The following EML2 variants were observed in gnomAD, a reference collection of about 807,000 sequenced individuals.
EML2 encodes echinoderm microtubule-associated protein-like 2.
Under a neutral mutation model 84.7 loss-of-function variants are expected in EML2, and 59 were observed. The ratio of observed to expected loss-of-function variants is 0.70; its 90% confidence interval spans 0.56 to 0.86. The LOEUF (loss-of-function observed/expected upper bound fraction) is 0.86. EML2 is among the 40% of genes least tolerant of loss of function. The pLI is 0.00. For synonymous variants in EML2, 352 were observed against 348.9 expected (o/e 1.01, Z -0.10); for missense variants, 818 against 855.6 (o/e 0.96, Z 0.55).
In EML2 at chr19:45,613,532, GGGA is replaced by G; in HGVS notation, c.1824+6_1824+8del. 6.2e-7 allele frequency: 1 copy of G among 1,613,642 alleles called. No individual in the cohort carries two copies. The highest frequency in any genetic ancestry group is 8.5e-7 in the Non-Finnish European group (1 of 1,179,822). ...CCCCCGTCCATCCCCATCTCCCCAA[GGGA>G]CTCACTCGAGGCTGACAGCAGGGGT... On this transcript the variant is annotated splice_donor_region_variant and intron_variant, in intron 18 of 18. Coordinates refer to ENST00000245925, the MANE Select transcript of EML2 (RefSeq NM_012155.4).
chr19:45,627,565 C>T (rs1972520379), intron 7 of EML2, among the ~76,000 whole-genome samples: 1 of 152,094 alleles, frequency 6.6e-6, no homozygotes, highest in African/African-American at 2.4e-5. Flanking sequence ...AGTACCTTTC[C>T]TATACGGTAA....
chr19:45,609,835 G>T, intron 18 of EML2, 47 bp from the exon 19 acceptor site: 1 of 1,596,638 alleles, frequency 6.3e-7, no homozygotes. Context: ...TGGGGACAAT[G>T]CCACCCCATC....
chr19:45,612,525 T>C (rs1970599937), intron 18 of EML2, among the ~76,000 whole-genome samples: 1 of 151,976 alleles, frequency 6.6e-6, no homozygotes, highest in Non-Finnish European at 1.5e-5. Flanking sequence ...AATACAAAAA[T>C]TGGCCAGGTG....
At position 45,609,545 on chromosome 19, in the gene EML2, C is replaced by T; in HGVS notation, c.*118G>A. On this transcript the variant is annotated 3_prime_UTR_variant, in exon 19 of 19. Transcript: ENST00000245925. Reference sequence around the variant, plus strand: ...GACTTCTGTATGTCAGTCTACCCTCCCGCCCCCATAACCCCCTCTGCTATA... The same window carrying T: ...GACTTCTGTATGTCAGTCTACCCTCTCGCCCCCATAACCCCCTCTGCTATA... The T allele has an allele frequency of 1.8e-6, 2 of 1,121,252 alleles. No homozygotes were observed. Among genetic ancestry groups the T allele is most frequent in the East Asian group, 3.0e-5 (1 of 32,864 alleles). 69.5% of individuals were successfully genotyped at this position (1,121,252 alleles called of 1,614,324 possible).
At chr19:45,645,324 G>A, upstream of EML2, 1 of 1,532,752 alleles carries the variant, frequency 6.5e-7, no homozygotes. Flanking sequence ...CAGAAGGCCG[G>A]GCCGCGCTCC....
intron 11 of EML2, 29 bp from the exon 12 acceptor site, chr19:45,619,220 A>G: frequency 6.2e-7 from 1 of 1,600,866 alleles, no homozygotes; most frequent in Non-Finnish European, 8.5e-7. Flanking sequence ...AGCAGGATGG[A>G]GACAGCAGCC....
In EML2 at chr19:45,616,971, C is replaced by A. The variant is rs1568439657; in HGVS notation, c.1323-118G>T. 5 of 737,704 alleles carry A rather than the reference C, an allele frequency of 6.8e-6. No homozygotes were observed. In the South Asian group the frequency reaches 7.7e-5, roughly 11 times the overall value. The allele number at this position is 737,704 out of a possible 1,614,324, so 45.7% of individuals were successfully genotyped here. A position where few individuals can be genotyped will look rare whatever the true frequency, so the allele number is the denominator to read the frequency against. Reference sequence around the variant, plus strand: ...GACCCCAGAAGTGACCTGGGCTGGGCACGGTGGCTCAGGCCTATAATCCCA... The same window carrying A: ...GACCCCAGAAGTGACCTGGGCTGGGAACGGTGGCTCAGGCCTATAATCCCA... On this transcript the variant is annotated intron_variant, in intron 13 of 18. Coordinates refer to ENST00000245925, the MANE Select transcript of EML2 (RefSeq NM_012155.4).
chr19:45,634,320 A>G lies in EML2; in HGVS notation c.329+2T>C, dbSNP rs1321680295. ...TCCCGTCCCCTCTGTCCCACATCTC[A>G]CCATTTGATGTCATCGTTGTGTCCC... On this transcript the variant is annotated splice_donor_variant, in intron 4 of 18. Coordinates refer to ENST00000245925, the MANE Select transcript of EML2 (RefSeq NM_012155.4). LOFTEE classifies it high-confidence loss of function. 1.2e-6 allele frequency: 2 copies of G among 1,612,874 alleles called. No individual in the cohort carries two copies. The highest frequency in any genetic ancestry group is 1.1e-5 in the South Asian group (1 of 91,062).
upstream of EML2, among the ~76,000 whole-genome samples, chr19:45,643,377 C>T (rs917626659): frequency 2.0e-5 from 3 of 152,188 alleles, no homozygotes; most frequent in African/African-American, 7.2e-5. Flanking sequence ...CAACCAAACT[C>T]TTCCCCAGCA....
upstream of EML2, chr19:45,640,331 T>G (rs1303802605): frequency 1.3e-5 from 2 of 152,086 alleles, no homozygotes; most frequent in African/African-American, 4.8e-5. Context: ...GTGAGCCTCC[T>G]GCCGCAGCCT....
At chr19:45,616,209 G>A in intron 15 of EML2, 1 of 543,442 alleles carries the variant, frequency 1.8e-6, no homozygotes, top group Non-Finnish European at 3.3e-6. Flanking sequence ...GTCTCGGAAC[G>A]TGAGGGGCGG....
At chr19:45,644,996 TC>T, upstream of EML2, 1 of 543,222 alleles carries the variant, frequency 1.8e-6, no homozygotes, top group African/African-American at 1.9e-5. Context: ...CCCAGGCCGT[TC>T]CCCCTTCCAA....
intron 12 of EML2, among the ~76,000 whole-genome samples, chr19:45,618,449 T>G (rs1160562848): frequency 1.3e-5 from 2 of 151,968 alleles, no homozygotes; most frequent in African/African-American, 2.4e-5. Flanking sequence ...TATGGGACAG[T>G]GTAGCTCTAC....
chr19:45,617,594 A>G, intron 13 of EML2, 36 bp downstream of exon 13: 1 of 1,590,498 alleles, frequency 6.3e-7, no homozygotes, highest in Non-Finnish European at 8.6e-7. Context: ...CCCAGGGAGC[A>G]GAGAAGGCCT....
intron 18 of EML2, among the ~76,000 whole-genome samples, chr19:45,612,764 G>T (rs1970626062): frequency 6.6e-6 from 1 of 152,138 alleles, no homozygotes; most frequent in Admixed American, 6.6e-5. Context: ...GTTGAACATG[G>T]GTAACAGGTA....
chr19:45,615,236 A>G (rs1200450948), intron 16 of EML2, among the ~76,000 whole-genome samples: 2 of 151,982 alleles, frequency 1.3e-5, no homozygotes, highest in East Asian at 3.9e-4. Flanking sequence ...GCTACTCAGG[A>G]GCCTGAGGCA....
chr19:45,633,765 G>T (rs1031886961), intron 4 of EML2, among the ~76,000 whole-genome samples: 1 of 152,018 alleles, frequency 6.6e-6, no homozygotes, highest in Non-Finnish European at 1.5e-5. Flanking sequence ...AAAAAAAGGA[G>T]ATGGAGTCTC....
At chr19:45,645,127 T>C, upstream of EML2, 1 of 926,342 alleles carries the variant, frequency 1.1e-6, no homozygotes. Flanking sequence ...GGGACCTTGC[T>C]CTTGGGTCAG....
chr19:45,645,334 C>T (rs1167448529), upstream of EML2: 1 of 1,532,090 alleles, frequency 6.5e-7, no homozygotes. Flanking sequence ...GGCCGCGCTC[C>T]GCCATCGCCC....
Sources: allele counts gnomAD v4.1 joint callset (sites outside exome capture counted in the v4.1 genomes callset), GRCh38; gene constraint gnomAD v4.1.1; transcripts MANE v1.5; gene names NCBI Gene and HGNC (gene_info 2026-07-23, HGNC 2026-07-21).